MDGA2: variants seen among roughly 807,000 people sequenced by gnomAD.
The protein encoded by MDGA2 is MAM domain-containing glycosylphosphatidylinositol anchor protein 2.
Under a neutral mutation model 117.8 loss-of-function variants are expected in MDGA2, and 40 were observed. The ratio of observed to expected loss-of-function variants is 0.34; its 90% CI spans 0.26 to 0.44. The LOEUF (loss-of-function observed/expected upper bound fraction) is 0.44, where lower values mean the gene tolerates loss of function less well. Ranked by LOEUF, MDGA2 falls within the 20% of genes least tolerant of loss-of-function variation. The pLI is 1.00. For missense variants in MDGA2, 1,123 were observed against 1,250.6 expected, an observed-to-expected ratio of 0.90 and a Z score of 1.54; for synonymous variants, 452 against 439.0, an observed-to-expected ratio of 1.03 and a Z score of -0.37.
intron 1 of MDGA2, among the ~76,000 whole-genome samples, chr14:47,661,615 G>A (rs1440707929): frequency 1.3e-5 from 2 of 152,134 alleles, no homozygotes; most frequent in East Asian, 3.8e-4. Context: ...TTCTGAATAT[G>A]CAAGTGATGC....
intron 10 of MDGA2, among the ~76,000 whole-genome samples, chr14:46,910,947 A>G (rs139246660): frequency 0.013 from 2,028 of 152,282 alleles, 42 homozygotes; most frequent in African/African-American, 0.046. Flanking sequence ...AAATGATGTG[A>G]ACACGTGGAC....
At chr14:47,201,072 AC>A in intron 3 of MDGA2, 2 of 1,089,634 alleles carry the variant, frequency 1.8e-6, no homozygotes, top group Non-Finnish European at 2.8e-6. Context: ...GATGGCCTCG[AC>A]CATCAAGCAC....
chr14:47,594,962 T>TA (rs1896508589), intron 1 of MDGA2, among the ~76,000 whole-genome samples: 1 of 152,152 alleles, frequency 6.6e-6, no homozygotes, highest in Non-Finnish European at 1.5e-5. Context: ...TATTAGTACT[T>TA]ATTCTCCTCA....
At chr14:47,671,596 T>C (rs1260020555) in intron 1 of MDGA2, among the ~76,000 whole-genome samples, 1 of 152,224 alleles carries the variant, frequency 6.6e-6, no homozygotes, top group Non-Finnish European at 1.5e-5. Context: ...AAAACACTAT[T>C]GAGAAATATT....
chr14:47,270,423 T>C (rs1357902234), intron 2 of MDGA2, among the ~76,000 whole-genome samples: 2 of 152,160 alleles, frequency 1.3e-5, no homozygotes, highest in South Asian at 2.1e-4. Context: ...TATTTGTATA[T>C]GCCATGTAAG....
rs1370737348 is a variant in MDGA2 at position 47,041,845 on chromosome 14, TATC to T, written c.1526-6544_1526-6542del. Among the ~76,000 whole-genome samples the T allele has an allele frequency of 2.6e-5, 4 of 152,076 alleles. No homozygotes were observed. The South Asian group carries it at 6.2e-4, about 24-fold the overall frequency. ...AGTTCATTTGAACTATGTGGAAAAA[TATC>T]ATGCTGTCTGAAACAAAGACATCTG... is the stretch of plus-strand genomic sequence containing the variant. On this transcript the variant is annotated intron_variant, in intron 7 of 16. Transcript: ENST00000399232.
chr14:47,310,577 G>GA (rs1889603292), intron 1 of MDGA2, among the ~76,000 whole-genome samples: 1 of 152,044 alleles, frequency 6.6e-6, no homozygotes, highest in Non-Finnish European at 1.5e-5. Flanking sequence ...TCTTTGGTAT[G>GA]AATGTAACAT....
chr14:47,430,862 T>A (rs1384866210), intron 1 of MDGA2, among the ~76,000 whole-genome samples: 1 of 152,126 alleles, frequency 6.6e-6, no homozygotes, highest in Non-Finnish European at 1.5e-5. Context: ...AGGGGCAAGT[T>A]AATTAATTCA....
intron 8 of MDGA2, among the ~76,000 whole-genome samples, chr14:47,013,169 T>C (rs951068691): frequency 6.6e-6 from 1 of 152,162 alleles, no homozygotes; most frequent in Non-Finnish European, 1.5e-5. Flanking sequence ...TTGATAGCAT[T>C]TTACCCATGG....
intron 8 of MDGA2, among the ~76,000 whole-genome samples, chr14:46,972,125 C>A (rs1015406186): frequency 5.9e-5 from 9 of 152,082 alleles, no homozygotes; most frequent in Non-Finnish European, 1.2e-4. Flanking sequence ...GGATTTGTAA[C>A]TGGCATTTGA....
intron 1 of MDGA2, among the ~76,000 whole-genome samples, chr14:47,315,828 T>C (rs2139857337): frequency 6.6e-6 from 1 of 151,846 alleles, no homozygotes; most frequent in East Asian, 1.9e-4. Flanking sequence ...CAGTCAAAAT[T>C]TAAAGCAAAG....
At chr14:47,299,897 C>T (rs751719499) in intron 2 of MDGA2, among the ~76,000 whole-genome samples, 30 of 152,066 alleles carry the variant, frequency 2.0e-4, no homozygotes, top group Admixed American at 3.3e-4. Context: ...TTTTAGTTAT[C>T]GTGAGTTTTC....
intron 8 of MDGA2, among the ~76,000 whole-genome samples, chr14:46,978,334 C>A (rs541136621): frequency 6.6e-6 from 1 of 151,906 alleles, no homozygotes; most frequent in East Asian, 1.9e-4. Flanking sequence ...AAATTGGCTT[C>A]TTCATTTATT....
chr14:47,409,620 G>T (rs527851922), intron 1 of MDGA2, among the ~76,000 whole-genome samples: 2 of 152,238 alleles, frequency 1.3e-5, no homozygotes, highest in Non-Finnish European at 2.9e-5. Context: ...TTTCTAAGAA[G>T]AGTTATCTTT....
chr14:47,301,530 C>T lies in MDGA2; in HGVS notation c.301G>A (p.Val101Met), dbSNP rs1303700569. 1.3e-6 allele frequency: 2 copies of T among 1,551,500 alleles called. No individual in the cohort carries two copies. The highest frequency in any genetic ancestry group is 1.2e-5 in the South Asian group (1 of 84,056). Reference protein sequence around the residue: ...GVYAPPTVRIVHSGLACNIEE... With the variant: ...GVYAPPTVRIMHSGLACNIEE... ...ATGTTACAGGCCAAGCCTGAGTGCA[C>T]AATACGAACCGTGGGAGGAGCTGTC... is the stretch of plus-strand genomic sequence containing the variant. Residue 101 changes from valine to methionine, a missense_variant, in exon 2 of 17, where the codon GTG (valine) becomes ATG (methionine). Coordinates refer to ENST00000399232, the MANE Select transcript of MDGA2 (RefSeq NM_001113498.3).
chr14:47,369,458 T>C (rs1283588311), intron 1 of MDGA2, among the ~76,000 whole-genome samples: 1 of 152,112 alleles, frequency 6.6e-6, no homozygotes, highest in African/African-American at 2.4e-5. Context: ...TAATGGCTTT[T>C]CAAAAATGTA....
intron 1 of MDGA2, among the ~76,000 whole-genome samples, chr14:47,448,049 A>T (rs1333579765): frequency 1.3e-5 from 2 of 152,068 alleles, no homozygotes; most frequent in Admixed American, 6.6e-5. Flanking sequence ...AATCCCTCTT[A>T]TTCTAGTGAG....
intron 7 of MDGA2, among the ~76,000 whole-genome samples, chr14:47,039,819 A>G (rs1032358107): frequency 1.3e-5 from 2 of 152,172 alleles, no homozygotes; most frequent in African/African-American, 4.8e-5. Context: ...AATGACTATT[A>G]TTCAGTGTGT....
intron 5 of MDGA2, among the ~76,000 whole-genome samples, chr14:47,127,608 CATCA>C (rs1402081085): frequency 6.6e-6 from 1 of 152,016 alleles, no homozygotes; most frequent in African/African-American, 2.4e-5. Flanking sequence ...TTGCAGTGAA[CATCA>C]ATCAAAAACT....
Sources: gnomAD v4.1 joint callset for allele counts (sites outside exome capture counted in the v4.1 genomes callset) on GRCh38, gnomAD v4.1.1 for gene constraint, MANE v1.5 for transcripts, NCBI Gene and HGNC (gene_info 2026-07-23, HGNC 2026-07-21) for gene names.